Variants in HERC2 observed in about 807,000 individuals in gnomAD.
The protein encoded by HERC2 is E3 ubiquitin-protein ligase HERC2.
Under a neutral mutation model 537.7 loss-of-function variants are expected in HERC2, and 102 were observed. The observed-to-expected ratio is 0.19, with a 90% CI of 0.16 to 0.22. HERC2 has a LOEUF of 0.22. HERC2 is among the 10% of genes least tolerant of loss of function. The pLI is 1.00. For missense variants in HERC2, 4,236 were observed against 6,198.2 expected (o/e 0.68, Z 10.63); for synonymous variants, 2,224 against 2,466.2 (o/e 0.90, Z 2.91).
intron 15 of HERC2, among the ~76,000 whole-genome samples, chr15:28,262,620 T>C (rs998198069): frequency 1.3e-5 from 2 of 152,184 alleles, no homozygotes; most frequent in Non-Finnish European, 2.9e-5. Context: ...GAGGGAACCC[T>C]TACTGAGTCC....
At chr15:28,281,798 C>T (rs995362515) in intron 4 of HERC2, among the ~76,000 whole-genome samples, 2 of 152,196 alleles carry the variant, frequency 1.3e-5, no homozygotes, top group Non-Finnish European at 2.9e-5. Context: ...GCATCCCCAC[C>T]GAGCCACCCT....
At chr15:28,117,218 T>G in intron 86 of HERC2, 64 bp from the exon 87 acceptor site, 1,634 of 1,502,706 alleles carry the variant, frequency 1.1e-3, no homozygotes, top group Non-Finnish European at 1.4e-3. Flanking sequence ...CAGTCGGGGA[T>G]ATGCGGCACT....
Position 28,155,214 on chromosome 15 carries a change from C to T in HERC2, c.10747-2384G>A, listed in dbSNP as rs561402739. On this transcript the variant is annotated intron_variant, in intron 69 of 92. Coordinates refer to ENST00000261609, the MANE Select transcript of HERC2 (RefSeq NM_004667.6). ...AAGTCTTTGCTATTGTGAATAGTGCCACAATAAACATATGTGTGCATGTGT... is the reference window on the plus strand; with the variant it reads ...AAGTCTTTGCTATTGTGAATAGTGCTACAATAAACATATGTGTGCATGTGT... Among the ~76,000 whole-genome samples, 707 of 152,002 alleles carry T rather than the reference C, an allele frequency of 4.7e-3. 5 individuals carry two copies. Among genetic ancestry groups the T allele is most frequent in the African/African-American group, 0.016 (665 of 41,384 alleles).
intron 34 of HERC2, among the ~76,000 whole-genome samples, chr15:28,228,911 C>A (rs1347352943): frequency 6.6e-6 from 1 of 152,128 alleles, no homozygotes; most frequent in Non-Finnish European, 1.5e-5. Context: ...CTCAAACTAT[C>A]CAGGAAATAA....
At chr15:28,248,476 G>T in intron 21 of HERC2, 76 bp downstream of exon 21, 1 of 1,101,318 alleles carries the variant, frequency 9.1e-7, no homozygotes, top group Non-Finnish European at 1.3e-6. Context: ...TGGGCATATA[G>T]GATGGACACG....
chr15:28,311,783 C>CT (rs1222155180), intron 2 of HERC2, among the ~76,000 whole-genome samples: 1 of 152,134 alleles, frequency 6.6e-6, no homozygotes, highest in Non-Finnish European at 1.5e-5. Context: ...TGAAAGCACT[C>CT]TAAGATCGCC....
Position 28,227,458 on chromosome 15 carries a change from A to G in HERC2, c.5464+760T>C, listed in dbSNP as rs566474566. Among the ~76,000 whole-genome samples, 40 of 147,782 alleles carry G rather than the reference A, an allele frequency of 2.7e-4. No individual in the cohort carries two copies. The South Asian group carries it at 7.2e-3, about 27-fold the overall frequency. On this transcript the variant is annotated intron_variant, in intron 35 of 92. Coordinates refer to ENST00000261609, the MANE Select transcript of HERC2 (RefSeq NM_004667.6). The stretch of plus-strand genomic sequence containing the variant: ...CACCCACTACGATGGCCTTCATCCA[A>G]AAAAAAAAAGAAAAAAAAAAAAAAC...
chr15:28,150,951 A>G (rs1390483584), intron 70 of HERC2, among the ~76,000 whole-genome samples: 1 of 152,224 alleles, frequency 6.6e-6, no homozygotes, highest in East Asian at 1.9e-4. Flanking sequence ...GGAATTCACT[A>G]GAGTCCACTT....
rs1890546930 is a variant in HERC2 at position 28,135,488 on chromosome 15, C to T, written c.12220G>A (p.Gly4074Ser). Reference protein sequence around the residue: ...GEAEDGKLGHGNRSPCDRPRV... With the variant: ...GEAEDGKLGHSNRSPCDRPRV... The stretch of plus-strand genomic sequence containing the variant: ...TTTTTCACATCATACCTTCTGTTGC[C>T]ATGCCCCAACTTCCCATCTTCTGCC... The change falls in exon 79 of 93, where the codon GGC becomes AGC. Residue 4074 changes from glycine (G) to serine (S), a missense_variant. Physicochemically the swap from Gly to Ser is moderately conservative, Grantham distance 56. Coordinates refer to ENST00000261609, the MANE Select transcript of HERC2 (RefSeq NM_004667.6). 9.3e-6 allele frequency: 15 copies of T among 1,613,254 alleles called. No homozygotes were observed. Among genetic ancestry groups the T allele is most frequent in the African/African-American group, 1.3e-5 (1 of 74,900 alleles).
At chr15:28,282,067 A>G (rs1199042614) in intron 4 of HERC2, among the ~76,000 whole-genome samples, 1 of 152,142 alleles carries the variant, frequency 6.6e-6, no homozygotes, top group African/African-American at 2.4e-5. Context: ...GAAAATACAC[A>G]AACCATGGAC....
intron 70 of HERC2, among the ~76,000 whole-genome samples, chr15:28,152,455 C>G (rs913414126): frequency 1.3e-5 from 2 of 152,138 alleles, no homozygotes; most frequent in African/African-American, 4.8e-5. Context: ...GGGCATCTGC[C>G]TGATTATCAT....
rs568902912 is a variant in HERC2 at position 28,121,364 on chromosome 15, C to G, written c.13254G>C (p.Val4418=). The G allele has an allele frequency of 1.2e-5, 20 of 1,614,164 alleles. No individual in the cohort carries two copies. The South Asian group carries it at 2.2e-4, about 18-fold the overall frequency. The change falls in exon 86 of 93, where the codon GTG becomes GTC. Residue 4418 remains valine (V), a synonymous_variant. Transcript: ENST00000261609. ...MVRDRQHGPV[V]ELNRIQVKRS... is the part of the protein sequence containing the mutation. ...GTGCTACCTGGATGCGGTTCAGCTC[C>G]ACGACGGGGCCATGCTGACGATCGC...
At chr15:28,212,200 C>T (rs565052062) in intron 43 of HERC2, among the ~76,000 whole-genome samples, 4 of 152,128 alleles carry the variant, frequency 2.6e-5, no homozygotes, top group African/African-American at 4.8e-5. Context: ...AAGGGTGACA[C>T]GGAGAAGAGG....
chr15:28,143,870 T>C lies in HERC2; in HGVS notation c.11418+3A>G. ...CTAGAAATTGTACTAGAATGCTCCA[T>C]ACCAAAGCTCTTGTTTCCCCATCAT... On this transcript the variant is annotated splice_donor_region_variant and intron_variant, in intron 74 of 92. Coordinates refer to ENST00000261609, the MANE Select transcript of HERC2 (RefSeq NM_004667.6). The C allele has an allele frequency of 3.1e-6, 5 of 1,614,172 alleles. No homozygotes were observed. The highest frequency in any genetic ancestry group is 4.2e-6 in the Non-Finnish European group (5 of 1,180,032).
Position 28,265,612 on chromosome 15 carries a change from A to C in HERC2, c.1870+6T>G. ...GCCTGTCCAGGGTGGCGAGAGCTCTACGTACCGTTCTCAGTGACAGCCAGG... is the reference window on the plus strand; with the variant it reads ...GCCTGTCCAGGGTGGCGAGAGCTCTCCGTACCGTTCTCAGTGACAGCCAGG... On this transcript the variant is annotated splice_donor_region_variant and intron_variant, in intron 14 of 92. Coordinates refer to ENST00000261609, the MANE Select transcript of HERC2 (RefSeq NM_004667.6). This position sits in a 1 kb window ranked among gnomAD's most constrained non-coding sequence, Gnocchi z 4.0. 1 of 1,611,846 alleles carries C rather than the reference A, an allele frequency of 6.2e-7. No individual in the cohort carries two copies. The highest frequency in any genetic ancestry group is 1.7e-5 in the Admixed American group (1 of 59,992).
chr15:28,291,165 T>A lies in HERC2; in HGVS notation c.322+1723A>T, dbSNP rs116330555. On this transcript the variant is annotated intron_variant, in intron 4 of 92. Transcript: ENST00000261609. ...ACATGCAAGATAATAGCATACGCAC[T>A]TTGTCTGGCCTACTGTGCTGATCCT... Among the ~76,000 whole-genome samples the A allele has an allele frequency of 4.4e-3, 671 of 152,322 alleles. 1 individual carries two copies. The highest frequency in any genetic ancestry group is 0.015 in the African/African-American group (641 of 41,574).
chr15:28,187,167 G>C (rs1199696989), intron 55 of HERC2, among the ~76,000 whole-genome samples: 1 of 152,064 alleles, frequency 6.6e-6, no homozygotes, highest in African/African-American at 2.4e-5. Context: ...ACACAAATCA[G>C]AACAAATAGT....
chr15:28,119,441 CTGATA>C (rs1307799380), intron 86 of HERC2, among the ~76,000 whole-genome samples: 1 of 142,088 alleles, frequency 7.0e-6, no homozygotes, highest in Non-Finnish European at 1.5e-5. Flanking sequence ...AAAAAAAGGC[CTGATA>C]TAAGTTGTCG....
At chr15:28,300,064 A>G (rs528606423) in intron 2 of HERC2, among the ~76,000 whole-genome samples, 590 of 151,094 alleles carry the variant, frequency 3.9e-3, no homozygotes, top group African/African-American at 0.014. Flanking sequence ...AAAAAAAAAA[A>G]AAAAGAAAAG....
Sources: allele counts gnomAD v4.1 joint callset (sites outside exome capture counted in the v4.1 genomes callset), GRCh38; gene constraint gnomAD v4.1.1; non-coding constraint Gnocchi (gnomAD v3.1); transcripts MANE v1.5; gene names NCBI Gene and HGNC (gene_info 2026-07-23, HGNC 2026-07-21).